Variants in AGAP1 observed in about 807,000 individuals in gnomAD.
AGAP1 encodes arf-GAP with GTPase, ANK repeat and PH domain-containing protein 1.
A neutral mutation model predicts 105.3 loss-of-function variants in AGAP1; 29 were observed. The ratio of observed to expected loss-of-function variants is 0.28; its 90% CI spans 0.21 to 0.38. The LOEUF (loss-of-function observed/expected upper bound fraction) is 0.38. Among genes scored for constraint, AGAP1 ranks in the 10% least tolerant of loss-of-function variants. AGAP1 has a pLI of 1.00. For synonymous variants in AGAP1, 509 were observed against 485.9 expected (o/e 1.05, Z -0.63); for missense variants, 998 against 1,165.1 (o/e 0.86, Z 2.09).
rs528548532 is a variant in AGAP1 at position 235,796,951 on chromosome 2, C to T, written c.674-808C>T. Among the ~76,000 whole-genome samples, 6 of 152,246 alleles carry T rather than the reference C, an allele frequency of 3.9e-5. No homozygotes were observed. The East Asian group carries it at 7.7e-4, about 20-fold the overall frequency. On this transcript the variant is annotated intron_variant, in intron 6 of 17. Coordinates refer to ENST00000304032, the MANE Select transcript of AGAP1 (RefSeq NM_001037131.3). ...AATTACATTCAGTATGCTTTATCAG[C>T]GAGCCTATTTGCCAAGAGAAGTTAT...
In AGAP1 at chr2:235,988,030, TGTTTGTTC is replaced by T. The variant is rs551512624; in HGVS notation, c.1645+19416_1645+19423del. Among the ~76,000 whole-genome samples, 423 of 152,300 alleles carry T rather than the reference TGTTTGTTC, an allele frequency of 2.8e-3. No individual in the cohort carries two copies. The highest frequency in any genetic ancestry group is 9.5e-3 in the African/African-American group (396 of 41,572). ...AGTTAAAACTCCTTTTGTTATTTTG[TGTTTGTTC>T]GTTTGTTCTGTTTTGTTTTTTGAAA... is the stretch of plus-strand genomic sequence containing the variant. On this transcript the variant is annotated intron_variant, in intron 13 of 17. Transcript: ENST00000304032. This position sits in a 1 kb window ranked among gnomAD's most constrained non-coding sequence, Gnocchi z 4.7.
At chr2:235,954,593 T>C (rs1161710923) in intron 12 of AGAP1, among the ~76,000 whole-genome samples, 1 of 150,306 alleles carries the variant, frequency 6.7e-6, no homozygotes, top group Non-Finnish European at 1.5e-5. Flanking sequence ...GATAATTGTC[T>C]GGAAAAGCTG....
Position 235,578,060 on chromosome 2 carries a change from C to T in AGAP1, c.163+83211C>T, listed in dbSNP as rs1944796497. Among the ~76,000 whole-genome samples the T allele has an allele frequency of 6.6e-6, 1 of 152,140 alleles. No homozygotes were observed. The highest frequency in any genetic ancestry group is 1.5e-5 in the Non-Finnish European group (1 of 68,024). ...TGAGGAGCTGGGTACCACTGTTATC[C>T]TGCCTGCTGGTCTGAGGGTCCGAGC... On this transcript the variant is annotated intron_variant, in intron 1 of 17. Coordinates refer to ENST00000304032, the MANE Select transcript of AGAP1 (RefSeq NM_001037131.3). The surrounding 1 kb of genome is among the most constrained non-coding windows in gnomAD (Gnocchi z 4.9).
chr2:235,508,596 G>A lies in AGAP1; in HGVS notation c.163+13747G>A, dbSNP rs369527897. Among the ~76,000 whole-genome samples the A allele has an allele frequency of 1.1e-4, 17 of 152,330 alleles. No homozygotes were observed. In the South Asian group the frequency reaches 3.3e-3, roughly 30 times the overall value. ...ACATGAGGAGGAGGCACGGAGGCAA[G>A]CTGACTGCCTGCGATTACAGGTCCC... On this transcript the variant is annotated intron_variant, in intron 1 of 17. Transcript: ENST00000304032.
In AGAP1 at chr2:236,105,375, C is replaced by T. The variant is rs2059457967; in HGVS notation, c.2115-14817C>T. Among the ~76,000 whole-genome samples, 1 of 151,988 alleles carries T rather than the reference C, an allele frequency of 6.6e-6. No homozygotes were observed. Among genetic ancestry groups the T allele is most frequent in the Middle Eastern group, 3.2e-3 (1 of 316 alleles). On this transcript the variant is annotated intron_variant, in intron 16 of 17. Coordinates refer to ENST00000304032, the MANE Select transcript of AGAP1 (RefSeq NM_001037131.3). The surrounding 1 kb of genome is among the most constrained non-coding windows in gnomAD (Gnocchi z 4.2). ...AAGACAAAGGCTCTGTGAGCTGTGC[C>T]TGCTGTAACAAAATACACAACAGAA...
At position 235,822,009 on chromosome 2, in the gene AGAP1, A is replaced by G. The variant is rs574599991; in HGVS notation, c.1050+14678A>G. On this transcript the variant is annotated intron_variant, in intron 9 of 17. Transcript: ENST00000304032. ...CACCCTTCCTGGTGCTCTGTACCAG[A>G]GGCACCTGACAGCCACCTGTCTTAT... Among the ~76,000 whole-genome samples the G allele has an allele frequency of 3.9e-5, 6 of 152,340 alleles. No homozygotes were observed. The South Asian group carries it at 1.2e-3, about 32-fold the overall frequency.
At chr2:236,107,241 A>C (rs2059520723) in intron 16 of AGAP1, among the ~76,000 whole-genome samples, 1 of 152,158 alleles carries the variant, frequency 6.6e-6, no homozygotes, top group Non-Finnish European at 1.5e-5. Flanking sequence ...CCCACAGCCA[A>C]CCATGTCCTT....
intron 1 of AGAP1, among the ~76,000 whole-genome samples, chr2:235,570,706 A>G (rs1944485306): frequency 6.6e-6 from 1 of 152,212 alleles, no homozygotes; most frequent in African/African-American, 2.4e-5. Context: ...TTTAAATCCA[A>G]AGACCATTTA....
intron 1 of AGAP1, among the ~76,000 whole-genome samples, chr2:235,598,286 G>A (rs901270004): frequency 6.6e-5 from 10 of 152,154 alleles, no homozygotes; most frequent in Non-Finnish European, 1.2e-4. Context: ...GCTGGGACAG[G>A]CTCCCACCAC....
Position 236,055,221 on chromosome 2 carries a change from T to A in AGAP1, c.2114+5940T>A, listed in dbSNP as rs1204762377. On this transcript the variant is annotated intron_variant, in intron 16 of 17. Coordinates refer to ENST00000304032, the MANE Select transcript of AGAP1 (RefSeq NM_001037131.3). The surrounding 1 kb of genome is among the most constrained non-coding windows in gnomAD (Gnocchi z 6.2). ...CTCGTTTGGAGTTTTAATCAGCCTG[T>A]CTTCTACTCCGGCGATCAGAGTTAA... Among the ~76,000 whole-genome samples the A allele has an allele frequency of 2.6e-5, 4 of 152,210 alleles. No individual in the cohort carries two copies. The highest frequency in any genetic ancestry group is 9.6e-5 in the African/African-American group (4 of 41,460).
In AGAP1 at chr2:235,869,466, C is replaced by T. The variant is rs945906775; in HGVS notation, c.1051-13879C>T. On this transcript the variant is annotated intron_variant, in intron 9 of 17. Coordinates refer to ENST00000304032, the MANE Select transcript of AGAP1 (RefSeq NM_001037131.3). Reference sequence around the variant, plus strand: ...AAAAAAAAAAATTAGCCGGGCGTGACGGCAGGTGCCTGTAATCCCAGCTAC... The same window carrying T: ...AAAAAAAAAAATTAGCCGGGCGTGATGGCAGGTGCCTGTAATCCCAGCTAC... 4.2e-5 allele frequency among the ~76,000 whole-genome samples: 6 copies of T among 141,760 alleles called. No homozygotes were observed. In the East Asian group the frequency reaches 6.4e-4, roughly 15 times the overall value. 93.0% of individuals were successfully genotyped at this position (141,760 alleles called of 152,430 possible).
At position 235,751,946 on chromosome 2, in the gene AGAP1, G is replaced by T. The variant is rs1298346124; in HGVS notation, c.673+1458G>T. ...GCCTCTGTCGGGAGAATGTCCTGTG[G>T]GGAGTAAACCTCATTTCAAGCCGTG... On this transcript the variant is annotated intron_variant, in intron 6 of 17. Transcript: ENST00000304032. The surrounding 1 kb of genome is among the most constrained non-coding windows in gnomAD (Gnocchi z 5.3). Among the ~76,000 whole-genome samples, 1 of 152,164 alleles carries T rather than the reference G, an allele frequency of 6.6e-6. No individual in the cohort carries two copies. The highest frequency in any genetic ancestry group is 1.5e-5 in the Non-Finnish European group (1 of 68,040).
intron 1 of AGAP1, among the ~76,000 whole-genome samples, chr2:235,520,658 CATT>C (rs1942579271): frequency 6.6e-6 from 1 of 152,052 alleles, no homozygotes; most frequent in South Asian, 2.1e-4. Context: ...ATAATTCTCT[CATT>C]ATTTTTTTTG....
chr2:235,976,471 G>C lies in AGAP1; in HGVS notation c.1645+7848G>C, dbSNP rs981077939. The stretch of plus-strand genomic sequence containing the variant: ...GAGTCGATCACAGCAGGGGCAGCCA[G>C]AACGGAAGATTCCCATCGTGATGAA... On this transcript the variant is annotated intron_variant, in intron 13 of 17. Transcript: ENST00000304032. The surrounding 1 kb of genome is among the most constrained non-coding windows in gnomAD (Gnocchi z 4.5). 6.6e-6 allele frequency among the ~76,000 whole-genome samples: 1 copy of C among 152,242 alleles called. No homozygotes were observed. Among genetic ancestry groups the C allele is most frequent in the African/African-American group, 2.4e-5 (1 of 41,470 alleles).
Position 235,852,970 on chromosome 2 carries a change from T to G in AGAP1, c.1051-30375T>G, listed in dbSNP as rs144935130. ...CCTTTGACACCTTCCAACAAAGAGGTTACAGGAGGGAGAGCTGGAGAAATG... is the reference window on the plus strand; with the variant it reads ...CCTTTGACACCTTCCAACAAAGAGGGTACAGGAGGGAGAGCTGGAGAAATG... On this transcript the variant is annotated intron_variant, in intron 9 of 17. Transcript: ENST00000304032. The G allele has an allele frequency of 1.5e-4, 183 of 1,256,342 alleles. No homozygotes were observed. The African/African-American group carries it at 2.7e-3, about 19-fold the overall frequency. 77.8% of individuals were successfully genotyped at this position (1,256,342 alleles called of 1,614,324 possible). A position where few individuals can be genotyped will look rare whatever the true frequency, so the allele number is the denominator to read the frequency against.
chr2:235,895,495 C>G (rs893030510), intron 10 of AGAP1, among the ~76,000 whole-genome samples: 1 of 152,208 alleles, frequency 6.6e-6, no homozygotes, highest in African/African-American at 2.4e-5. Context: ...CTTTGCCTCA[C>G]TAACTCCTCT....
In AGAP1 at chr2:235,930,959, C is replaced by T. The variant is rs1170157957; in HGVS notation, c.1483+36C>T. The T allele has an allele frequency of 1.2e-6, 2 of 1,603,780 alleles. No individual in the cohort carries two copies. The highest frequency in any genetic ancestry group is 1.7e-6 in the Non-Finnish European group (2 of 1,174,456). ...GCTCAGCCCCACGGACCCGCAGCCA[C>T]CTCAAGGTCCTTCGTTGTAAGCCAG... On this transcript the variant is annotated intron_variant, in intron 12 of 17. Coordinates refer to ENST00000304032, the MANE Select transcript of AGAP1 (RefSeq NM_001037131.3). This position sits in a 1 kb window ranked among gnomAD's most constrained non-coding sequence, Gnocchi z 7.9.
chr2:235,653,842 A>G (rs1404107759), intron 1 of AGAP1, among the ~76,000 whole-genome samples: 4 of 152,210 alleles, frequency 2.6e-5, no homozygotes, highest in Non-Finnish European at 5.9e-5. Context: ...GGATTATTTG[A>G]GGTCGGGAGT....
At chr2:235,822,259 A>T (rs1234644176) in intron 9 of AGAP1, among the ~76,000 whole-genome samples, 1 of 152,382 alleles carries the variant, frequency 6.6e-6, no homozygotes, top group South Asian at 2.1e-4. Flanking sequence ...CTTAAATAAA[A>T]TTTAAAGTGC....
Sources: gnomAD v4.1 joint callset for allele counts (sites outside exome capture counted in the v4.1 genomes callset) on GRCh38, gnomAD v4.1.1 for gene constraint, Gnocchi (gnomAD v3.1) non-coding constraint, MANE v1.5 for transcripts, NCBI Gene and HGNC (gene_info 2026-07-23, HGNC 2026-07-21) for gene names.